FBXO42: variants seen among roughly 807,000 people sequenced by gnomAD.
The protein encoded by FBXO42 is F-box only protein 42.
A neutral mutation model predicts 71.7 loss-of-function variants in FBXO42; 12 were observed. The ratio of observed to expected loss-of-function variants is 0.17; its 90% CI spans 0.11 to 0.27. The LOEUF (loss-of-function observed/expected upper bound fraction) is 0.27, where lower values mean the gene tolerates loss of function less well. FBXO42 is among the 10% of genes least tolerant of loss of function. The pLI is 1.00. For synonymous variants in FBXO42, 325 were observed against 327.5 expected (o/e 0.99, Z 0.08); for missense variants, 707 against 911.9 (o/e 0.78, Z 2.89).
At position 16,253,736 on chromosome 1, in the gene FBXO42, G is replaced by A. The variant is rs2100428081; in HGVS notation, c.768-5C>T. 5.6e-6 allele frequency: 9 copies of A among 1,613,840 alleles called. No individual in the cohort carries two copies. In the South Asian group the frequency reaches 7.7e-5, roughly 14 times the overall value. ...AGGACCCAGACATCATTGCTCCTGT[G>A]AATTAAGGACAGAAGGATAAAGGTA... On this transcript the variant is annotated splice_polypyrimidine_tract_variant and splice_region_variant and intron_variant, in intron 6 of 9. Transcript: ENST00000375592.
intron 4 of FBXO42, among the ~76,000 whole-genome samples, chr1:16,284,444 T>C (rs1476034122): frequency 2.0e-5 from 3 of 152,186 alleles, no homozygotes; most frequent in Admixed American, 6.6e-5. Flanking sequence ...CTTGAAGATA[T>C]TGCTCTAACA....
intron 3 of FBXO42, among the ~76,000 whole-genome samples, chr1:16,299,655 A>T (rs6603851): frequency 0.069 from 10,415 of 151,792 alleles, 1,143 homozygotes; most frequent in African/African-American, 0.23. Flanking sequence ...TATTATTATT[A>T]TTTTTTTGAG....
intron 1 of FBXO42, among the ~76,000 whole-genome samples, chr1:16,350,756 A>AG (rs1557612351): frequency 0.013 from 1,649 of 128,112 alleles, 21 homozygotes; most frequent in African/African-American, 0.04. Context: ...AAAAAAAAAA[A>AG]AAAAGAAAGA....
intron 3 of FBXO42, among the ~76,000 whole-genome samples, chr1:16,301,689 A>AC (rs1483081808): frequency 2.7e-5 from 4 of 148,306 alleles, no homozygotes; most frequent in Admixed American, 1.3e-4. Flanking sequence ...AAAAACAACA[A>AC]AAAAAAAAGA....
chr1:16,345,128 A>G (rs1458248586), intron 1 of FBXO42, among the ~76,000 whole-genome samples: 1 of 151,616 alleles, frequency 6.6e-6, no homozygotes, highest in Admixed American at 6.6e-5. Context: ...AAAAACATAT[A>G]TATATATTTT....
chr1:16,294,723 A>G lies in FBXO42; in HGVS notation c.502+60T>C, dbSNP rs186139856. 4.8e-4 allele frequency: 755 copies of G among 1,576,656 alleles called. 5 individuals are homozygous for G. The African/African-American group carries it at 9.1e-3, about 19-fold the overall frequency. The stretch of plus-strand genomic sequence containing the variant: ...ACCAACACCAAAAATGATCAGGTAG[A>G]GTTTCCATGCCAAGGGAGTCACCTG... On this transcript the variant is annotated intron_variant, in intron 4 of 9. Coordinates refer to ENST00000375592, the MANE Select transcript of FBXO42 (RefSeq NM_018994.3).
chr1:16,302,159 C>T (rs376616549), intron 3 of FBXO42, among the ~76,000 whole-genome samples: 1 of 152,118 alleles, frequency 6.6e-6, no homozygotes, highest in Non-Finnish European at 1.5e-5. Context: ...TTAATATCTA[C>T]GGCGAGGAAT....
At chr1:16,282,370 C>T (rs879293951) in intron 4 of FBXO42, among the ~76,000 whole-genome samples, 4 of 151,522 alleles carry the variant, frequency 2.6e-5, no homozygotes, top group African/African-American at 7.3e-5. Flanking sequence ...GGATTACAGG[C>T]GCCCACCACC....
intron 1 of FBXO42, among the ~76,000 whole-genome samples, chr1:16,349,135 AAGAACCCATGAC>A (rs2082677756): frequency 1.3e-5 from 2 of 152,210 alleles, no homozygotes; most frequent in African/African-American, 4.8e-5. Context: ...AAAAGGGGAA[AAGAACCCATGAC>A]AGAATTTTTT....
chr1:16,250,475 A>G lies in FBXO42; in HGVS notation c.*195T>C, dbSNP rs1006427255. 6.8e-5 allele frequency: 10 copies of G among 147,704 alleles called. No individual in the cohort carries two copies. Among genetic ancestry groups the G allele is most frequent in the Non-Finnish European group, 1.4e-4 (10 of 71,592 alleles). 9.1% of individuals were successfully genotyped at this position (147,704 alleles called of 1,614,324 possible). On this transcript the variant is annotated 3_prime_UTR_variant, in exon 10 of 10. Transcript: ENST00000375592. This position sits in a 1 kb window ranked among gnomAD's most constrained non-coding sequence, Gnocchi z 4.7. Reference sequence around the variant, plus strand: ...TTTTGTCAACAGAGTTGGCTATATAATATATATATATATATTTATATATAA... The same window carrying G: ...TTTTGTCAACAGAGTTGGCTATATAGTATATATATATATATTTATATATAA...
chr1:16,347,770 A>G (rs540328240), intron 1 of FBXO42, among the ~76,000 whole-genome samples: 1 of 152,286 alleles, frequency 6.6e-6, no homozygotes, highest in African/African-American at 2.4e-5. Context: ...CGGGCAGATC[A>G]CGAGGTCTGG....
chr1:16,286,293 T>A (rs1276671705), intron 4 of FBXO42, among the ~76,000 whole-genome samples: 1 of 152,154 alleles, frequency 6.6e-6, no homozygotes, highest in Non-Finnish European at 1.5e-5. Flanking sequence ...GAGTAATTTA[T>A]AAAGGAAAGA....
intron 3 of FBXO42, among the ~76,000 whole-genome samples, chr1:16,298,798 C>T (rs2082158560): frequency 6.6e-6 from 1 of 152,088 alleles, no homozygotes; most frequent in African/African-American, 2.4e-5. Flanking sequence ...GCGTGAGCCA[C>T]CGCGCCCGGC....
intron 4 of FBXO42, among the ~76,000 whole-genome samples, chr1:16,283,646 A>G (rs2081990496): frequency 6.6e-6 from 1 of 151,884 alleles, no homozygotes; most frequent in Admixed American, 6.6e-5. Flanking sequence ...ACAGGCACCC[A>G]CCACCATGCC....
At chr1:16,282,251 A>T (rs2081972304) in intron 4 of FBXO42, among the ~76,000 whole-genome samples, 1 of 147,412 alleles carries the variant, frequency 6.8e-6, no homozygotes, top group Non-Finnish European at 1.5e-5. Context: ...TTTGAGACAG[A>T]GTCTCACTCT....
chr1:16,313,324 C>CAAACAAAG (rs1218170929), intron 2 of FBXO42, among the ~76,000 whole-genome samples: 4 of 137,714 alleles, frequency 2.9e-5, no homozygotes, highest in African/African-American at 1.1e-4. Context: ...GAAAAGAAAA[C>CAAACAAAG]AAAGAAAGAA....
At chr1:16,322,630 A>G (rs1186377283) in intron 1 of FBXO42, among the ~76,000 whole-genome samples, 5 of 152,160 alleles carry the variant, frequency 3.3e-5, no homozygotes, top group Non-Finnish European at 5.9e-5. Flanking sequence ...CATATAACTA[A>G]ACACAAATCA....
Position 16,250,656 on chromosome 1 carries a change from G to A in FBXO42, c.*14C>T, listed in dbSNP as rs1225728611. On this transcript the variant is annotated 3_prime_UTR_variant, in exon 10 of 10. Transcript: ENST00000375592. The surrounding 1 kb of genome is among the most constrained non-coding windows in gnomAD (Gnocchi z 4.7). ...AATTAAAAGCCACAGAAAAGGAAAG[G>A]GGTTTAGAACACATTATCTCTTTGC... The A allele has an allele frequency of 2.1e-5, 33 of 1,595,216 alleles. No homozygotes were observed. Among genetic ancestry groups the A allele is most frequent in the Non-Finnish European group, 2.4e-5 (28 of 1,168,782 alleles).
At chr1:16,278,492 T>C (rs912858511) in intron 4 of FBXO42, among the ~76,000 whole-genome samples, 4 of 152,304 alleles carry the variant, frequency 2.6e-5, no homozygotes, top group South Asian at 2.1e-4. Context: ...TTTTTATTTT[T>C]ATTTTGTTTT....
Sources: allele counts gnomAD v4.1 joint callset (sites outside exome capture counted in the v4.1 genomes callset), GRCh38; gene constraint gnomAD v4.1.1; non-coding constraint Gnocchi (gnomAD v3.1); transcripts MANE v1.5; gene names NCBI Gene and HGNC (gene_info 2026-07-23, HGNC 2026-07-21).